SLC38A4: variants seen among roughly 807,000 people sequenced by gnomAD.
SLC38A4 encodes sodium-coupled neutral amino acid transporter 4.
In SLC38A4, 20 loss-of-function variants were observed where a neutral mutation model predicts 63.1. That is an observed-to-expected ratio of 0.32 (90% CI 0.22 to 0.46). The LOEUF is 0.46. SLC38A4 is among the 20% of genes least tolerant of loss of function. SLC38A4 has a pLI of 1.00. For synonymous variants in SLC38A4, 230 were observed against 225.5 expected (o/e 1.02, Z -0.18); for missense variants, 526 against 663.6 (o/e 0.79, Z 2.28).
intron 7 of SLC38A4, among the ~76,000 whole-genome samples, chr12:46,783,936 T>C (rs1592180934): frequency 6.6e-6 from 1 of 151,812 alleles, no homozygotes; most frequent in Non-Finnish European, 1.5e-5. Flanking sequence ...GAGAGAACAT[T>C]GTTAAAAATA....
intron 16 of SLC38A4, 37 bp from the exon 17 acceptor site, chr12:46,766,839 C>T (rs1413641276): frequency 4.2e-6 from 6 of 1,412,166 alleles, no homozygotes; most frequent in Admixed American, 1.8e-5. Context: ...AGCACAGAAA[C>T]CATACTTAGT....
chr12:46,821,219 C>T (rs570985251), intron 1 of SLC38A4, among the ~76,000 whole-genome samples: 2 of 152,042 alleles, frequency 1.3e-5, no homozygotes, highest in African/African-American at 4.8e-5. Flanking sequence ...GGTGTCATAT[C>T]CAATAAATCA....
chr12:46,788,573 A>G lies in SLC38A4; in HGVS notation c.165T>C (p.Asn55=). 1.2e-6 allele frequency: 2 copies of G among 1,613,716 alleles called. No individual in the cohort carries two copies. Among genetic ancestry groups the G allele is most frequent in the East Asian group, 2.2e-5 (1 of 44,848 alleles). ...CCAGCTTCTTTTTCCCCAAAAATCC[A>G]TTTGTCAGGAATTTCTGACTTTCAG... ...EDTESQKFLT[N]GFLGKKKLAD... The change falls in exon 4 of 17, where the codon AAT becomes AAC. Residue 55 remains asparagine, a synonymous_variant. Coordinates refer to ENST00000266579, the MANE Select transcript of SLC38A4 (RefSeq NM_018018.5).
intron 3 of SLC38A4, 97 bp from the exon 4 acceptor site, chr12:46,788,715 G>C (rs1002400693): frequency 5.3e-6 from 6 of 1,135,354 alleles, no homozygotes; most frequent in Non-Finnish European, 7.7e-6. Flanking sequence ...CTGAATCAGA[G>C]GAGGGGAAAT....
Position 46,778,785 on chromosome 12 carries a change from A to G in SLC38A4, c.718-9T>C. On this transcript the variant is annotated splice_polypyrimidine_tract_variant and intron_variant, in intron 10 of 16. Coordinates refer to ENST00000266579, the MANE Select transcript of SLC38A4 (RefSeq NM_018018.5). ...AATTTCTTGTAAATCACCTAGACTC[A>G]GTCATTAAAAAAGAAAAAAAAATCA... 6.3e-7 allele frequency: 1 copy of G among 1,599,596 alleles called. No individual in the cohort carries two copies. The highest frequency in any genetic ancestry group is 8.5e-7 in the Non-Finnish European group (1 of 1,172,386).
At chr12:46,792,589 T>C (rs909078102) in intron 3 of SLC38A4, among the ~76,000 whole-genome samples, 16 of 152,080 alleles carry the variant, frequency 1.1e-4, no homozygotes, top group African/African-American at 3.9e-4. Context: ...GCCATAGTAG[T>C]TGTGAGTGAG....
chr12:46,817,305 A>G (rs528860660), intron 1 of SLC38A4, among the ~76,000 whole-genome samples: 28 of 151,906 alleles, frequency 1.8e-4, no homozygotes, highest in African/African-American at 6.0e-4. Context: ...GCCTTTTTCT[A>G]TCAAGACATC....
At chr12:46,799,954 A>T (rs1006148709) in intron 2 of SLC38A4, among the ~76,000 whole-genome samples, 1 of 152,150 alleles carries the variant, frequency 6.6e-6, no homozygotes, top group African/African-American at 2.4e-5. Context: ...TATAATTAAC[A>T]TTTTTTACCT....
At chr12:46,812,391 A>G (rs1279351059) in intron 1 of SLC38A4, among the ~76,000 whole-genome samples, 5 of 151,954 alleles carry the variant, frequency 3.3e-5, no homozygotes, top group Non-Finnish European at 7.4e-5. Context: ...ATCCCTTTTT[A>G]TCTACATGAG....
In SLC38A4 at chr12:46,778,330, T is replaced by C; in HGVS notation, c.1032A>G (p.Val344=). The C allele has an allele frequency of 6.2e-7, 1 of 1,612,682 alleles. No individual in the cohort carries two copies. Among genetic ancestry groups the C allele is most frequent in the South Asian group, 1.1e-5 (1 of 91,048 alleles). ...AGATGGGAAGGACCTCAGGGTGGCATACAAAAGCAAATACTAGGATAGGAA... is the reference window on the plus strand; with the variant it reads ...AGATGGGAAGGACCTCAGGGTGGCACACAAAAGCAAATACTAGGATAGGAA... ...YAIPILVFAF[V]CHPEVLPIYS... The change falls in exon 12 of 17, where the codon GTA becomes GTG. Residue 344 remains valine (V), a synonymous_variant. Coordinates refer to ENST00000266579, the MANE Select transcript of SLC38A4 (RefSeq NM_018018.5).
intron 1 of SLC38A4, among the ~76,000 whole-genome samples, chr12:46,807,681 C>A (rs1055913362): frequency 1.3e-5 from 2 of 151,886 alleles, no homozygotes; most frequent in African/African-American, 4.8e-5. Context: ...TTACAGAAAT[C>A]TTCCTAAATT....
chr12:46,792,956 C>G lies in SLC38A4; in HGVS notation c.116G>C (p.Ser39Thr). 6.2e-7 allele frequency: 1 copy of G among 1,610,372 alleles called. No homozygotes were observed. Among genetic ancestry groups the G allele is most frequent in the Non-Finnish European group, 8.5e-7 (1 of 1,176,846 alleles). Reference sequence around the variant, plus strand: ...ATAGTAATTTTTAACCCCATACCTGCTCATTGCTGCCTTTTCTGAATTTCC... The same window carrying G: ...ATAGTAATTTTTAACCCCATACCTGGTCATTGCTGCCTTTTCTGAATTTCC... ...GIGNSEKAAM[S>T]SQFANEDTES... The change falls in exon 3 of 17, where the codon AGC (serine) becomes ACC (threonine). Residue 39 changes from serine (S) to threonine (T), a missense_variant. By Grantham distance (58) the Ser-to-Thr change is moderately conservative. Transcript: ENST00000266579.
At chr12:46,784,383 G>A (rs1938714637) in intron 7 of SLC38A4, among the ~76,000 whole-genome samples, 159 bp downstream of exon 7, 1 of 151,952 alleles carries the variant, frequency 6.6e-6, no homozygotes, top group Non-Finnish European at 1.5e-5. Context: ...AATTAAAGCA[G>A]GACACAAACC....
chr12:46,797,550 C>T (rs768092607), intron 2 of SLC38A4, among the ~76,000 whole-genome samples: 3 of 152,124 alleles, frequency 2.0e-5, no homozygotes, highest in Non-Finnish European at 2.9e-5. Context: ...CCTGGTTCTC[C>T]AGCTTGCAGA....
rs532388151 is a variant in SLC38A4, at chr12:46,812,300, T to G, written c.-304-8506A>C. 5.6e-4 allele frequency among the ~76,000 whole-genome samples: 85 copies of G among 152,184 alleles called. 2 individuals are homozygous for G. Among genetic ancestry groups the G allele is most frequent in the African/African-American group, 1.9e-3 (79 of 41,564 alleles). ...AGGCTGATGGCATTTCCTTTGATGT[T>G]TGCTTAAGACTTTTAGCATTAGCTT... On this transcript the variant is annotated intron_variant, in intron 1 of 16. Coordinates refer to ENST00000266579, the MANE Select transcript of SLC38A4 (RefSeq NM_018018.5).
chr12:46,786,233 T>C (rs887535259), intron 5 of SLC38A4, among the ~76,000 whole-genome samples: 3 of 152,138 alleles, frequency 2.0e-5, no homozygotes, highest in African/African-American at 7.2e-5. Context: ...ATAATGAGCA[T>C]TCCCTGTATT....
intron 14 of SLC38A4, among the ~76,000 whole-genome samples, chr12:46,773,088 G>A (rs957786185): frequency 2.6e-5 from 4 of 152,064 alleles, no homozygotes; most frequent in East Asian, 1.9e-4. Context: ...ATCCACTCAC[G>A]GAAGTGACCA....
intron 1 of SLC38A4, among the ~76,000 whole-genome samples, chr12:46,811,329 T>C (rs1939336540): frequency 6.6e-6 from 1 of 151,980 alleles, no homozygotes; most frequent in South Asian, 2.1e-4. Context: ...CCAACTCAAC[T>C]TGAAAGGGGC....
chr12:46,792,519 T>C (rs1382963195), intron 3 of SLC38A4, among the ~76,000 whole-genome samples: 1 of 152,078 alleles, frequency 6.6e-6, no homozygotes, highest in Non-Finnish European at 1.5e-5. Flanking sequence ...GATATAATTA[T>C]CTGAAATTCA....
Sources: gnomAD v4.1 joint callset for allele counts (sites outside exome capture counted in the v4.1 genomes callset) on GRCh38, gnomAD v4.1.1 for gene constraint, MANE v1.5 for transcripts, NCBI Gene and HGNC (gene_info 2026-07-23, HGNC 2026-07-21) for gene names.